RASEF: variants seen among roughly 807,000 people sequenced by gnomAD.
RASEF encodes the protein RAS and EF-hand domain containing.
A neutral mutation model predicts 90.1 loss-of-function variants in RASEF; 68 were observed. The ratio of observed to expected loss-of-function variants is 0.75; its 90% CI spans 0.62 to 0.92. The LOEUF (loss-of-function observed/expected upper bound fraction) is 0.92, where lower values mean the gene tolerates loss of function less well. Ranked by LOEUF, RASEF falls within the 40% of genes least tolerant of loss-of-function variation. The pLI is 0.00. For synonymous variants in RASEF, 331 were observed against 345.2 expected (o/e 0.96, Z 0.46); for missense variants, 949 against 937.2 (o/e 1.01, Z -0.16).
chr9:83,049,236 C>T, intron 1 of RASEF: 1 of 821,928 alleles, frequency 1.2e-6, no homozygotes. Context: ...CTTCCTTGTA[C>T]CAACAGCATC....
chr9:83,065,782 CTCAA>C (rs770639295), upstream of RASEF, among the ~76,000 whole-genome samples: 9 of 152,184 alleles, frequency 5.9e-5, no homozygotes, highest in East Asian at 1.9e-4. Flanking sequence ...CTCTTTAATT[CTCAA>C]TCAGTCAACA....
At chr9:83,010,205 C>T (rs1829214570) in intron 5 of RASEF, among the ~76,000 whole-genome samples, 2 of 152,140 alleles carry the variant, frequency 1.3e-5, no homozygotes, top group South Asian at 4.1e-4. Context: ...AAGTTTTACA[C>T]TTAAAAATAA....
intron 3 of RASEF, among the ~76,000 whole-genome samples, chr9:83,016,774 C>A (rs964033160): frequency 3.3e-5 from 5 of 152,112 alleles, no homozygotes; most frequent in African/African-American, 1.2e-4. Flanking sequence ...AAGGTAGGGC[C>A]TCTCTGCAGC....
the RASEF span, among the ~76,000 whole-genome samples, chr9:83,171,198 C>T: frequency 6.6e-6 from 1 of 151,518 alleles, no homozygotes; most frequent in Admixed American, 6.6e-5. Flanking sequence ...ATATATTTTG[C>T]CCTTGATTCT....
chr9:83,143,127 C>A, the RASEF span, among the ~76,000 whole-genome samples: 1 of 152,188 alleles, frequency 6.6e-6, no homozygotes, highest in Non-Finnish European at 1.5e-5. Flanking sequence ...CATGATCCCA[C>A]AGTTGACAGT....
At chr9:83,063,264 T>G, upstream of RASEF, 4 of 192,274 alleles carry the variant, frequency 2.1e-5, no homozygotes, top group Non-Finnish European at 3.2e-5. Context: ...CCACCGCTGC[T>G]TGCCGCGCAG....
rs574265804 is a variant in RASEF, at chr9:82,994,813, C to A, written c.1921-1788G>T. 2.6e-5 allele frequency among the ~76,000 whole-genome samples: 4 copies of A among 152,254 alleles called. No homozygotes were observed. The East Asian group carries it at 7.7e-4, about 29-fold the overall frequency. ...AATTCTATTACAAGATTTTTTAACT[C>A]AGCAGTTTTCCATTGAAGTATATCA... On this transcript the variant is annotated intron_variant, in intron 14 of 16. Transcript: ENST00000376447.
chr9:83,211,213 A>G, the RASEF span, among the ~76,000 whole-genome samples: 3 of 152,208 alleles, frequency 2.0e-5, no homozygotes, highest in Non-Finnish European at 2.9e-5. Flanking sequence ...TGATGTATCT[A>G]ATTTTTAAGG....
At position 82,980,773 on chromosome 9, in the gene RASEF, C is replaced by T. The variant is rs907993062; in HGVS notation, c.*1904G>A. On this transcript the variant is annotated 3_prime_UTR_variant, in exon 17 of 17. Transcript: ENST00000376447. ...TCCCATGCCACATAAATAATACCCC[C>T]CTTATTTTGAAAAATTTCCCATATG... The T allele has an allele frequency of 6.6e-6, 1 of 152,150 alleles. No individual in the cohort carries two copies. Among genetic ancestry groups the T allele is most frequent in the East Asian group, 1.9e-4 (1 of 5,202 alleles). 9.4% of individuals were successfully genotyped at this position (152,150 alleles called of 1,614,324 possible).
chr9:83,204,518 C>A, the RASEF span, among the ~76,000 whole-genome samples: 2 of 152,126 alleles, frequency 1.3e-5, no homozygotes, highest in Non-Finnish European at 2.9e-5. Flanking sequence ...AAAAAAGGTT[C>A]CCAGGGAAAA....
chr9:83,100,728 T>C, the RASEF span, among the ~76,000 whole-genome samples: 2 of 152,204 alleles, frequency 1.3e-5, no homozygotes, highest in East Asian at 3.9e-4. Flanking sequence ...TCATTCTGCC[T>C]GCAAATTGGA....
the RASEF span, among the ~76,000 whole-genome samples, chr9:83,140,655 A>T: frequency 1.3e-5 from 2 of 152,230 alleles, no homozygotes; most frequent in African/African-American, 4.8e-5. Flanking sequence ...GTAATCAGGA[A>T]AATTATATAA....
the RASEF span, among the ~76,000 whole-genome samples, chr9:83,167,205 G>A: frequency 5.3e-5 from 8 of 151,786 alleles, no homozygotes; most frequent in Admixed American, 1.3e-4. Flanking sequence ...AGGCAATTTA[G>A]GCAAAGTAAA....
chr9:83,109,401 G>A, the RASEF span, among the ~76,000 whole-genome samples: 74 of 152,270 alleles, frequency 4.9e-4, no homozygotes, highest in Non-Finnish European at 7.9e-4. Flanking sequence ...TCATATTAAT[G>A]TGCTCACAAA....
the RASEF span, among the ~76,000 whole-genome samples, chr9:83,165,385 A>G: frequency 2.0e-3 from 304 of 152,294 alleles, 1 homozygote; most frequent in Non-Finnish European, 3.5e-3. Flanking sequence ...CAGAGATTGC[A>G]TAACACATTT....
At chr9:83,095,449 AC>A in the RASEF span, among the ~76,000 whole-genome samples, 1 of 148,728 alleles carries the variant, frequency 6.7e-6, no homozygotes, top group African/African-American at 2.5e-5. Flanking sequence ...GGCCCTTCCC[AC>A]CTTAGACTGT....
the RASEF span, among the ~76,000 whole-genome samples, chr9:83,156,875 G>A: frequency 1.3e-5 from 2 of 152,214 alleles, no homozygotes; most frequent in African/African-American, 2.4e-5. Context: ...GTCTAGTAAT[G>A]TGTAAGATGC....
At chr9:83,007,002 A>G (rs917450846) in intron 7 of RASEF, among the ~76,000 whole-genome samples, 1 of 151,732 alleles carries the variant, frequency 6.6e-6, no homozygotes, top group Non-Finnish European at 1.5e-5. Context: ...GCTGAGGCAG[A>G]AGAATGGCAT....
chr9:83,187,314 T>A, the RASEF span, among the ~76,000 whole-genome samples: 2 of 152,226 alleles, frequency 1.3e-5, no homozygotes, highest in Non-Finnish European at 2.9e-5. Context: ...TGGCCACTTC[T>A]GTCTGCCATC....
Sources: gnomAD v4.1 joint callset for allele counts (sites outside exome capture counted in the v4.1 genomes callset) on GRCh38, gnomAD v4.1.1 for gene constraint, MANE v1.5 for transcripts, NCBI Gene and HGNC (gene_info 2026-07-23, HGNC 2026-07-21) for gene names.